The following ZNF106 variants were observed in gnomAD, a reference collection of about 807,000 sequenced individuals.
ZNF106 encodes the protein zinc finger protein 106.
Under a neutral mutation model 195.1 loss-of-function variants are expected in ZNF106, and 67 were observed. The observed-to-expected ratio is 0.34, with a 90% CI of 0.28 to 0.42. ZNF106 has a LOEUF of 0.42. Ranked by LOEUF, ZNF106 falls within the 10% of genes least tolerant of loss-of-function variation. The pLI is 1.00. For synonymous variants in ZNF106, 784 were observed against 818.6 expected (o/e 0.96, Z 0.72); for missense variants, 2,118 against 2,304.5 (o/e 0.92, Z 1.66).
rs1053191866 is a variant in ZNF106, at chr15:42,438,438, G to C, written c.4600+174C>G. On this transcript the variant is annotated intron_variant, in intron 12 of 21. Coordinates refer to ENST00000564754, the MANE Select transcript of ZNF106 (RefSeq NM_001366845.3). ...ATGAGAATAAGAATCTGAAAGACCAGGATTTGAGGTTTTAAGAATATCAGA... is the reference window on the plus strand; with the variant it reads ...ATGAGAATAAGAATCTGAAAGACCACGATTTGAGGTTTTAAGAATATCAGA... 1.8e-4 allele frequency among the ~76,000 whole-genome samples: 28 copies of C among 152,218 alleles called. 1 individual carries two copies. The highest frequency in any genetic ancestry group is 6.7e-4 in the African/African-American group (28 of 41,526).
At chr15:42,472,154 T>A in intron 2 of ZNF106, 82 bp downstream of exon 2, 1 of 1,294,148 alleles carries the variant, frequency 7.7e-7, no homozygotes, top group Non-Finnish European at 1.1e-6. Context: ...CATATGTCTA[T>A]TAATATTAAT....
chr15:42,446,220 ACAAT>A (rs2055763205), intron 7 of ZNF106, among the ~76,000 whole-genome samples: 2 of 152,214 alleles, frequency 1.3e-5, no homozygotes, highest in African/African-American at 4.8e-5. Context: ...AAGTAAATGG[ACAAT>A]CAGTGTTTGA....
At chr15:42,461,977 C>T (rs760817140) in intron 3 of ZNF106, among the ~76,000 whole-genome samples, 2 of 152,068 alleles carry the variant, frequency 1.3e-5, no homozygotes, top group Non-Finnish European at 2.9e-5. Flanking sequence ...TTCTTGCTAC[C>T]TGTTTGTCTT....
At chr15:42,419,522 T>G (rs2054579716) in intron 20 of ZNF106, among the ~76,000 whole-genome samples, 1 of 149,066 alleles carries the variant, frequency 6.7e-6, no homozygotes, top group Admixed American at 6.7e-5. Context: ...CCCGCCTGAG[T>G]AACATAACAA....
chr15:42,478,780 G>A (rs1440368829), intron 1 of ZNF106, among the ~76,000 whole-genome samples: 3 of 151,964 alleles, frequency 2.0e-5, no homozygotes, highest in Admixed American at 2.0e-4. Context: ...TGAAAGTGCT[G>A]GGATTACAGG....
At position 42,479,767 on chromosome 15, in the gene ZNF106, G is replaced by A. The variant is rs150301945; in HGVS notation, c.-32-7446C>T. On this transcript the variant is annotated intron_variant, in intron 1 of 21. Transcript: ENST00000564754. ...TGAGGCAGGAGAATCGCTTGAACCC[G>A]GGGAGTAGAGGTTGCAGTGAGCTGA... 6.7e-3 allele frequency among the ~76,000 whole-genome samples: 1,017 copies of A among 152,010 alleles called. 38 individuals carry two copies. Among genetic ancestry groups the A allele is most frequent in the Admixed American group, 0.059 (895 of 15,254 alleles).
intron 16 of ZNF106, 168 bp downstream of exon 16, chr15:42,424,666 G>C (rs2054788571): frequency 1.6e-6 from 1 of 624,192 alleles, no homozygotes; most frequent in Non-Finnish European, 2.7e-6. Flanking sequence ...TTTTTGTAGA[G>C]ATCGAGTTTT....
chr15:42,465,351 A>G lies in ZNF106; in HGVS notation c.116+702T>C, dbSNP rs562413255. On this transcript the variant is annotated intron_variant, in intron 3 of 21. Coordinates refer to ENST00000564754, the MANE Select transcript of ZNF106 (RefSeq NM_001366845.3). ...GAGGGCAGTGGCACAATCACAGCTC[A>G]CTGTAGCCCTGACCTACCTAAGCTC... 3.9e-5 allele frequency among the ~76,000 whole-genome samples: 6 copies of G among 152,194 alleles called. No homozygotes were observed. In the South Asian group the frequency reaches 1.2e-3, roughly 32 times the overall value.
chr15:42,470,317 A>T (rs892699448), intron 2 of ZNF106, among the ~76,000 whole-genome samples: 2 of 152,200 alleles, frequency 1.3e-5, no homozygotes, highest in African/African-American at 4.8e-5. Context: ...AGTTTGGGAA[A>T]TTGGAGACAA....
At chr15:42,434,319 C>T (rs1485020076) in intron 14 of ZNF106, among the ~76,000 whole-genome samples, 6 of 152,032 alleles carry the variant, frequency 3.9e-5, no homozygotes, top group Admixed American at 6.6e-5. Context: ...AGACCCTGTA[C>T]CTTAAAAAAC....
At chr15:42,467,973 T>C (rs181439441) in intron 2 of ZNF106, among the ~76,000 whole-genome samples, 1 of 152,158 alleles carries the variant, frequency 6.6e-6, no homozygotes, top group East Asian at 1.9e-4. Context: ...TTTTTCATTA[T>C]ATACAGTTCA....
At chr15:42,423,264 G>C (rs1440113940) in intron 17 of ZNF106, among the ~76,000 whole-genome samples, 5 of 152,198 alleles carry the variant, frequency 3.3e-5, no homozygotes, top group East Asian at 2.0e-4. Flanking sequence ...CAGCTACTTG[G>C]GGGGCTGAGG....
At chr15:42,457,376 A>G in intron 3 of ZNF106, 2 of 1,412,306 alleles carry the variant, frequency 1.4e-6, no homozygotes, top group East Asian at 2.6e-5. Context: ...TCAAGAGGCA[A>G]TAGACTTCAG....
intron 20 of ZNF106, among the ~76,000 whole-genome samples, chr15:42,418,531 A>ATTTTTTTTTTT (rs2054537554): frequency 1.1e-5 from 1 of 89,614 alleles, no homozygotes; most frequent in Non-Finnish European, 2.1e-5. Context: ...ACGGCCAGTT[A>ATTTTTTTTTTT]ATTTTTTTTT....
rs963013789 is a variant in ZNF106, at chr15:42,472,301, C to T, written c.-12G>A. 1 of 1,535,322 alleles carries T rather than the reference C, an allele frequency of 6.5e-7. No individual in the cohort carries two copies. The highest frequency in any genetic ancestry group is 8.7e-7 in the Non-Finnish European group (1 of 1,146,512). On this transcript the variant is annotated 5_prime_UTR_variant, in exon 2 of 22. Coordinates refer to ENST00000564754, the MANE Select transcript of ZNF106 (RefSeq NM_001366845.3). Reference sequence around the variant, plus strand: ...CGTTCTCGTACCATAGTGACCAGATCTGAAGCACTCAACGTCACAGCTGCA... The same window carrying T: ...CGTTCTCGTACCATAGTGACCAGATTTGAAGCACTCAACGTCACAGCTGCA...
intron 14 of ZNF106, among the ~76,000 whole-genome samples, chr15:42,434,322 TA>T (rs1343707680): frequency 6.6e-6 from 1 of 151,872 alleles, no homozygotes; most frequent in African/African-American, 2.4e-5. Context: ...CCCTGTACCT[TA>T]AAAAACAAAA....
At chr15:42,418,483 G>C (rs967553785) in intron 20 of ZNF106, among the ~76,000 whole-genome samples, 1 of 147,646 alleles carries the variant, frequency 6.8e-6, no homozygotes, top group African/African-American at 2.5e-5. Context: ...CTGCTGCCTC[G>C]GCCTCCCAAA....
At chr15:42,433,869 G>A (rs1241053760) in intron 14 of ZNF106, among the ~76,000 whole-genome samples, 4 of 151,830 alleles carry the variant, frequency 2.6e-5, no homozygotes. Context: ...GCTTTTTTGA[G>A]GCAGGTTCTT....
Position 42,417,866 on chromosome 15 carries a change from G to T in ZNF106, c.5603C>A (p.Thr1868Asn). 7.4e-6 allele frequency: 12 copies of T among 1,614,066 alleles called. No individual in the cohort carries two copies. The highest frequency in any genetic ancestry group is 1.0e-5 in the Non-Finnish European group (12 of 1,179,984). Residue 1868 changes from threonine (T) to asparagine (N), a missense_variant, in exon 21 of 22, where the codon ACT becomes AAT. Transcript: ENST00000564754. Reference sequence around the variant, plus strand: ...GCAGTTCTTCCAGCGACATTTCAGAGTCTGGAAGTTGGGATTAGTGTGGTC... The same window carrying T: ...GCAGTTCTTCCAGCGACATTTCAGATTCTGGAAGTTGGGATTAGTGTGGTC... Reference protein sequence around the residue: ...LTDHTNPNFQTLKCRWKNCDA... With the variant: ...LTDHTNPNFQNLKCRWKNCDA...
Sources: gnomAD v4.1 joint callset for allele counts (sites outside exome capture counted in the v4.1 genomes callset) on GRCh38, gnomAD v4.1.1 for gene constraint, MANE v1.5 for transcripts, NCBI Gene and HGNC (gene_info 2026-07-23, HGNC 2026-07-21) for gene names.